Variants in NOS1AP observed in about 807,000 individuals in gnomAD.
The protein encoded by NOS1AP is nitric oxide synthase 1 adaptor protein, also known as carboxyl-terminal PDZ ligand of neuronal nitric oxide synthase protein.
Under a neutral mutation model 56.2 loss-of-function variants are expected in NOS1AP, and 21 were observed. The ratio of observed to expected loss-of-function variants is 0.37; its 90% CI spans 0.26 to 0.54. The LOEUF is 0.54. Among genes scored for constraint, NOS1AP ranks in the 20% least tolerant of loss-of-function variants. The pLI is 0.84. For synonymous variants in NOS1AP, 270 were observed against 274.6 expected, an observed-to-expected ratio of 0.98 and a Z score of 0.17; for missense variants, 522 against 657.8, an observed-to-expected ratio of 0.79 and a Z score of 2.26.
At chr1:162,237,625 T>A (rs563357216) in intron 2 of NOS1AP, among the ~76,000 whole-genome samples, 1 of 152,330 alleles carries the variant, frequency 6.6e-6, no homozygotes, top group South Asian at 2.1e-4. Context: ...AAATTGACAG[T>A]TGATTGACAA....
chr1:162,346,653 G>A (rs560399815), intron 6 of NOS1AP, among the ~76,000 whole-genome samples: 50 of 152,334 alleles, frequency 3.3e-4, no homozygotes, highest in African/African-American at 1.2e-3. Flanking sequence ...GAGGTGGCAG[G>A]AAGATTGACT....
intron 6 of NOS1AP, 107 bp downstream of exon 6, chr1:162,344,083 T>C: frequency 8.0e-7 from 1 of 1,253,358 alleles, no homozygotes; most frequent in African/African-American, 1.5e-5. Flanking sequence ...TTAAGAAACA[T>C]TTTATTTTTT....
intron 6 of NOS1AP, among the ~76,000 whole-genome samples, chr1:162,347,404 G>C (rs145667599): frequency 9.2e-5 from 14 of 152,318 alleles, no homozygotes; most frequent in African/African-American, 3.1e-4. Flanking sequence ...AAAGCGGTTG[G>C]ACGCAGAGAG....
chr1:162,142,251 G>A (rs1337827120), intron 1 of NOS1AP, among the ~76,000 whole-genome samples: 1 of 152,316 alleles, frequency 6.6e-6, no homozygotes, highest in East Asian at 1.9e-4. Flanking sequence ...GGCTCTGTAA[G>A]GAAGATGGAT....
chr1:162,296,195 G>A (rs1255374913), intron 3 of NOS1AP, among the ~76,000 whole-genome samples: 2 of 152,164 alleles, frequency 1.3e-5, no homozygotes, highest in Non-Finnish European at 2.9e-5. Flanking sequence ...ACTGAGGCAG[G>A]AGAATCGCTT....
At chr1:162,279,869 T>G (rs564913675) in intron 2 of NOS1AP, among the ~76,000 whole-genome samples, 36 of 152,336 alleles carry the variant, frequency 2.4e-4, no homozygotes, top group African/African-American at 8.7e-4. Flanking sequence ...TCAGGAGATG[T>G]AGGTTCCAGA....
chr1:162,147,331 C>CA (rs572205161), intron 1 of NOS1AP, among the ~76,000 whole-genome samples: 4,220 of 73,896 alleles, frequency 0.057, 149 homozygotes, highest in Middle Eastern at 0.096. Flanking sequence ...GACTCCGTCT[C>CA]AAAAAAAAAA....
chr1:162,157,464 G>A (rs1323100938), intron 2 of NOS1AP, among the ~76,000 whole-genome samples: 1 of 152,116 alleles, frequency 6.6e-6, no homozygotes, highest in African/African-American at 2.4e-5. Flanking sequence ...CAAGAACTAG[G>A]GCATGGGATT....
At chr1:162,075,801 T>C (rs1047565282) in intron 1 of NOS1AP, among the ~76,000 whole-genome samples, 10 of 152,016 alleles carry the variant, frequency 6.6e-5, no homozygotes, top group African/African-American at 2.4e-4. Flanking sequence ...GGGCAGTGAG[T>C]TCCAAAGATA....
chr1:162,124,170 G>C (rs12140905), intron 1 of NOS1AP, among the ~76,000 whole-genome samples: 68,859 of 151,436 alleles, frequency 0.45, 19,301 homozygotes, highest in Non-Finnish European at 0.62. Context: ...AGTGGTTTGT[G>C]GTTACATGGA....
intron 2 of NOS1AP, among the ~76,000 whole-genome samples, chr1:162,168,291 A>G (rs983783526): frequency 6.6e-6 from 1 of 152,206 alleles, no homozygotes; most frequent in Admixed American, 6.5e-5. Context: ...CCTGCAGAGT[A>G]CTGCTGTGAC....
chr1:162,141,803 C>T (rs1649244486), intron 1 of NOS1AP, among the ~76,000 whole-genome samples: 1 of 152,150 alleles, frequency 6.6e-6, no homozygotes, highest in South Asian at 2.1e-4. Flanking sequence ...TGTGATGCTG[C>T]TGCCGATGTT....
At chr1:162,232,880 C>G (rs1366949800) in intron 2 of NOS1AP, among the ~76,000 whole-genome samples, 1 of 152,078 alleles carries the variant, frequency 6.6e-6, no homozygotes, top group Non-Finnish European at 1.5e-5. Context: ...CCCTATGATA[C>G]ATAGGTATGG....
At chr1:162,122,279 A>G (rs1331334041) in intron 1 of NOS1AP, among the ~76,000 whole-genome samples, 1 of 152,226 alleles carries the variant, frequency 6.6e-6, no homozygotes, top group Admixed American at 6.5e-5. Context: ...CAAAAAGTGA[A>G]ATAAACTCTT....
intron 1 of NOS1AP, among the ~76,000 whole-genome samples, chr1:162,146,473 T>A (rs541374634): frequency 6.6e-6 from 1 of 152,226 alleles, no homozygotes; most frequent in East Asian, 1.9e-4. Context: ...TGCCCTCTCT[T>A]TTAAGCTCCT....
At chr1:162,079,180 A>G (rs1022835776) in intron 1 of NOS1AP, among the ~76,000 whole-genome samples, 3 of 151,962 alleles carry the variant, frequency 2.0e-5, no homozygotes, top group Admixed American at 6.5e-5. Flanking sequence ...TGATACCCCC[A>G]ATCTCACACA....
At position 162,193,149 on chromosome 1, in the gene NOS1AP, C is replaced by T. The variant is rs189028741; in HGVS notation, c.177+38673C>T. ...AAGATGACTCTCAGGCTGCAAGAAA[C>T]ACTGAAATGCCTTAAGGAGTGATGC... is the stretch of plus-strand genomic sequence containing the variant. On this transcript the variant is annotated intron_variant, in intron 2 of 9. Transcript: ENST00000361897. Among the ~76,000 whole-genome samples, 189 of 152,252 alleles carry T rather than the reference C, an allele frequency of 1.2e-3. 1 individual carries two copies. Among genetic ancestry groups the T allele is most frequent in the Admixed American group, 0.011 (168 of 15,280 alleles).
rs77159430 is a variant in NOS1AP, at chr1:162,317,927, A to C, written c.345-15090A>C. 5.5e-3 allele frequency: 839 copies of C among 152,308 alleles called. 4 individuals are homozygous for C. Among genetic ancestry groups the C allele is most frequent in the African/African-American group, 0.019 (778 of 41,526 alleles). 9.4% of individuals were successfully genotyped at this position (152,308 alleles called of 1,614,324 possible). On this transcript the variant is annotated intron_variant, in intron 4 of 9. Coordinates refer to ENST00000361897, the MANE Select transcript of NOS1AP (RefSeq NM_014697.3). ...GCCCCACTCCTACTTCCACATCAAAACGGCATTAGCTCTCTCGCAGGGAAA... is the reference window on the plus strand; with the variant it reads ...GCCCCACTCCTACTTCCACATCAAACCGGCATTAGCTCTCTCGCAGGGAAA...
intron 1 of NOS1AP, among the ~76,000 whole-genome samples, chr1:162,144,176 A>G (rs1303468936): frequency 6.6e-6 from 1 of 152,224 alleles, no homozygotes; most frequent in Admixed American, 6.5e-5. Flanking sequence ...GTGTCCATAC[A>G]CAGGCATCCT....
Sources: gnomAD v4.1 joint callset for allele counts (sites outside exome capture counted in the v4.1 genomes callset) on GRCh38, gnomAD v4.1.1 for gene constraint, MANE v1.5 for transcripts, NCBI Gene and HGNC (gene_info 2026-07-23, HGNC 2026-07-21) for gene names.